The following GAD1 variants were observed in gnomAD, a reference collection of about 807,000 sequenced individuals.
GAD1 encodes the protein 67 kDa glutamic acid decarboxylase.
GAD1 carries 35 observed loss-of-function variants against 75.2 expected under a neutral mutation model. That is an observed-to-expected ratio of 0.47 (90% CI 0.36 to 0.62). The LOEUF (loss-of-function observed/expected upper bound fraction) is 0.62, where lower values mean the gene tolerates loss of function less well. GAD1 is among the 20% of genes least tolerant of loss of function. The pLI is 0.00. For missense variants in GAD1, 490 were observed against 758.5 expected (o/e 0.65, Z 4.16); for synonymous variants, 257 against 271.9 (o/e 0.95, Z 0.54).
At position 170,860,052 on chromosome 2, in the gene GAD1, A is replaced by C. The variant is rs896397637; in HGVS notation, c.*170A>C. 3 of 696,592 alleles carry C rather than the reference A, an allele frequency of 4.3e-6. No homozygotes were observed. The highest frequency in any genetic ancestry group is 3.6e-5 in the African/African-American group (2 of 56,108). The allele number at this position is 696,592 out of a possible 1,614,324, so 43.2% of individuals were successfully genotyped here. A position where few individuals can be genotyped will look rare whatever the true frequency, so the allele number is the denominator to read the frequency against. ...AAGCTTGTTTGTTCTAGTTAGCAGG[A>C]AATAGTGTTCTTTTTAAAAAGTTGC... On this transcript the variant is annotated 3_prime_UTR_variant, in exon 17 of 17. Transcript: ENST00000358196.
chr2:170,828,087 ACCCC>A, intron 3 of GAD1, among the ~76,000 whole-genome samples: 1 of 14,018 alleles, frequency 7.1e-5, no homozygotes, highest in South Asian at 2.7e-3. Flanking sequence ...TGCTGTCCTC[ACCCC>A]TCCTCCTTCT....
intron 10 of GAD1, among the ~76,000 whole-genome samples, chr2:170,846,980 G>A (rs1178236244): frequency 6.6e-6 from 1 of 152,200 alleles, no homozygotes; most frequent in Non-Finnish European, 1.5e-5. Context: ...CTCCAGCCTA[G>A]GTGACAGAGC....
At chr2:170,820,972 A>T (rs368513121) in intron 2 of GAD1, among the ~76,000 whole-genome samples, 3 of 152,200 alleles carry the variant, frequency 2.0e-5, no homozygotes, top group African/African-American at 7.2e-5. Flanking sequence ...TCGCTTTTGC[A>T]CTGATTTCCT....
chr2:170,818,752 G>C lies in GAD1; in HGVS notation c.82+79G>C. On this transcript the variant is annotated intron_variant, in intron 2 of 16. Coordinates refer to ENST00000358196, the MANE Select transcript of GAD1 (RefSeq NM_000817.3). This position sits in a 1 kb window ranked among gnomAD's most constrained non-coding sequence, Gnocchi z 5.9. ...TGGGACGTCGGGAGGCTGAGCTGGC[G>C]GAAAGGGAAGGGGGAGCGCGGAGAT... The C allele has an allele frequency of 1.5e-6, 2 of 1,348,482 alleles. No homozygotes were observed. Among genetic ancestry groups the C allele is most frequent in the Non-Finnish European group, 2.1e-6 (2 of 938,110 alleles). 83.5% of individuals were successfully genotyped at this position (1,348,482 alleles called of 1,614,324 possible).
Position 170,854,060 on chromosome 2 carries a change from T to G in GAD1, c.1413+38T>G, listed in dbSNP as rs748096941. On this transcript the variant is annotated intron_variant, in intron 14 of 16. Coordinates refer to ENST00000358196, the MANE Select transcript of GAD1 (RefSeq NM_000817.3). ...TAGTTCAGGAAATAGAGCAGAAATG[T>G]AATTTGCACAGACTGGCTGGCAAAA... 8 of 1,612,974 alleles carry G rather than the reference T, an allele frequency of 5.0e-6. No individual in the cohort carries two copies. In the East Asian group the frequency reaches 1.3e-4, roughly 27 times the overall value.
At chr2:170,845,290 C>T in intron 7 of GAD1, 1 of 613,814 alleles carries the variant, frequency 1.6e-6, no homozygotes, top group Non-Finnish European at 2.9e-6. Flanking sequence ...AGCCAAATTG[C>T]CTAGATAGCT....
intron 15 of GAD1, among the ~76,000 whole-genome samples, chr2:170,858,510 G>A (rs1296277380): frequency 1.3e-5 from 2 of 152,062 alleles, no homozygotes; most frequent in Non-Finnish European, 2.9e-5. Context: ...ATGGACAGAC[G>A]GATACCTTTT....
Position 170,853,854 on chromosome 2 carries a change from A to G in GAD1, c.1264-19A>G. 1.9e-6 allele frequency: 3 copies of G among 1,613,856 alleles called. No individual in the cohort carries two copies. The highest frequency in any genetic ancestry group is 2.5e-6 in the Non-Finnish European group (3 of 1,179,800). ...CTGATGTGTAAATGCAGATGCACCC[A>G]TCTTAATTTCCATGATAGGGTATAC... is the stretch of plus-strand genomic sequence containing the variant. On this transcript the variant is annotated intron_variant, in intron 13 of 16. Coordinates refer to ENST00000358196, the MANE Select transcript of GAD1 (RefSeq NM_000817.3). The surrounding 1 kb of genome is among the most constrained non-coding windows in gnomAD (Gnocchi z 4.1).
At chr2:170,828,152 TCCTCCCTCTGCTGTCCTCGCC>T in intron 3 of GAD1, among the ~76,000 whole-genome samples, 2 of 133,680 alleles carry the variant, frequency 1.5e-5, no homozygotes, top group African/African-American at 5.8e-5. Context: ...GTCCTCACCC[TCCTCCCTCTGCTGTCCTCGCC>T]CTCCTCTCTC....
In GAD1 at chr2:170,818,664, C is replaced by T; in HGVS notation, c.73C>T (p.Arg25Cys). The change falls in exon 2 of 17, where the codon CGC becomes TGC. Residue 25 changes from arginine to cysteine, a missense_variant. Arg to Cys is a radical substitution (Grantham distance 180, BLOSUM62 -3). Transcript: ENST00000358196. The surrounding 1 kb of genome is among the most constrained non-coding windows in gnomAD (Gnocchi z 5.9). ...AGCGGACCCCAATACCACTAACCTG[C>T]GCCCCACAAGTAGGTCCCGCCCCAA... ...AGADPNTTNL[R>C]PTTYDTWCGV... is the part of the protein sequence containing the mutation. 3 of 1,614,152 alleles carry T rather than the reference C, an allele frequency of 1.9e-6. No individual in the cohort carries two copies. The highest frequency in any genetic ancestry group is 2.5e-6 in the Non-Finnish European group (3 of 1,179,982).
Position 170,861,131 on chromosome 2 carries a change from C to T in GAD1, c.*1249C>T, listed in dbSNP as rs952929970. The T allele has an allele frequency of 6.6e-6, 1 of 152,610 alleles. No individual in the cohort carries two copies. Among genetic ancestry groups the T allele is most frequent in the Admixed American group, 6.5e-5 (1 of 15,274 alleles). The allele number at this position is 152,610 out of a possible 1,614,324, so 9.5% of individuals were successfully genotyped here. Reference sequence around the variant, plus strand: ...GAATATAAATAAATAAAAATATTCTCCATGGAGAATTTGAACAAAATTTTC... The same window carrying T: ...GAATATAAATAAATAAAAATATTCTTCATGGAGAATTTGAACAAAATTTTC... On this transcript the variant is annotated 3_prime_UTR_variant, in exon 17 of 17. Coordinates refer to ENST00000358196, the MANE Select transcript of GAD1 (RefSeq NM_000817.3).
intron 14 of GAD1, among the ~76,000 whole-genome samples, chr2:170,854,555 T>C (rs929920389): frequency 1.3e-5 from 2 of 152,104 alleles, no homozygotes; most frequent in Admixed American, 6.5e-5. Flanking sequence ...GGCCCGCCAC[T>C]ACGCCCGGCT....
At chr2:170,833,694 C>T (rs916514766) in intron 5 of GAD1, among the ~76,000 whole-genome samples, 3 of 152,180 alleles carry the variant, frequency 2.0e-5, no homozygotes, top group Non-Finnish European at 2.9e-5. Flanking sequence ...ATCTACAAAA[C>T]CAAAGCATCT....
Position 170,853,656 on chromosome 2 carries a change from A to T in GAD1, c.1264-217A>T. On this transcript the variant is annotated intron_variant, in intron 13 of 16. Coordinates refer to ENST00000358196, the MANE Select transcript of GAD1 (RefSeq NM_000817.3). The surrounding 1 kb of genome is among the most constrained non-coding windows in gnomAD (Gnocchi z 4.1). ...GAGGGATGGCATCTGAGACGGAAAG[A>T]TCATCTTCTAATCAGAGAGTCAGAG... The T allele has an allele frequency of 1.8e-6, 1 of 547,914 alleles. No individual in the cohort carries two copies. The highest frequency in any genetic ancestry group is 3.3e-6 in the Non-Finnish European group (1 of 302,332). The allele number at this position is 547,914 out of a possible 1,614,324, so 33.9% of individuals were successfully genotyped here. A position where few individuals can be genotyped will look rare whatever the true frequency, so the allele number is the denominator to read the frequency against.
In GAD1 at chr2:170,857,532, G is replaced by T. The variant is rs138406497; in HGVS notation, c.1521+407G>T. Among the ~76,000 whole-genome samples the T allele has an allele frequency of 4.4e-3, 677 of 152,206 alleles. 8 individuals are homozygous for T. Among genetic ancestry groups the T allele is most frequent in the African/African-American group, 0.015 (640 of 41,528 alleles). On this transcript the variant is annotated intron_variant, in intron 15 of 16. Transcript: ENST00000358196. Reference sequence around the variant, plus strand: ...AGGCCAAGGCAGGAAGATTGCTTGAGTCCAGGAGCTCAAGACCAGCCTGGG... The same window carrying T: ...AGGCCAAGGCAGGAAGATTGCTTGATTCCAGGAGCTCAAGACCAGCCTGGG...
At chr2:170,822,267 G>T in intron 3 of GAD1, 118 bp downstream of exon 3, 1 of 884,258 alleles carries the variant, frequency 1.1e-6, no homozygotes, top group South Asian at 1.4e-5. Context: ...ATTTTCTAAT[G>T]TAATTACAGC....
At chr2:170,834,111 G>C (rs1474244062) in intron 5 of GAD1, among the ~76,000 whole-genome samples, 1 of 152,078 alleles carries the variant, frequency 6.6e-6, no homozygotes, top group Non-Finnish European at 1.5e-5. Context: ...CCTCAGAGTT[G>C]CTTCTTGGGG....
chr2:170,842,768 TC>T (rs1702545020), intron 6 of GAD1: 1 of 1,480,772 alleles, frequency 6.8e-7, no homozygotes, highest in Admixed American at 2.6e-5. Context: ...TATCTGAGGA[TC>T]CTTCAGGATC....
chr2:170,848,992 G>A, intron 11 of GAD1: 1 of 474,926 alleles, frequency 2.1e-6, no homozygotes. Context: ...ACAACACATT[G>A]GGCTAATGGG....
Sources: allele counts gnomAD v4.1 joint callset (sites outside exome capture counted in the v4.1 genomes callset), GRCh38; gene constraint gnomAD v4.1.1; non-coding constraint Gnocchi (gnomAD v3.1); transcripts MANE v1.5; gene names NCBI Gene and HGNC (gene_info 2026-07-23, HGNC 2026-07-21).